The following ENOX1 variants were observed in gnomAD, a reference collection of about 807,000 sequenced individuals.
ENOX1 encodes the protein candidate growth-related and time keeping constitutive hydroquinone (NADH) oxidase.
Under a neutral mutation model 82.5 loss-of-function variants are expected in ENOX1, and 42 were observed. That is an observed-to-expected ratio of 0.51 (90% CI 0.40 to 0.66). The LOEUF (loss-of-function observed/expected upper bound fraction) is 0.66. Among genes scored for constraint, ENOX1 ranks in the 30% least tolerant of loss-of-function variants. The pLI is 0.00. For synonymous variants in ENOX1, 271 were observed against 282.2 expected, an observed-to-expected ratio of 0.96 and a Z score of 0.40; for missense variants, 608 against 811.6, an observed-to-expected ratio of 0.75 and a Z score of 3.05.
chr13:43,507,138 A>T (rs977112628), intron 2 of ENOX1, among the ~76,000 whole-genome samples: 3 of 151,966 alleles, frequency 2.0e-5, no homozygotes, highest in Non-Finnish European at 4.4e-5. Flanking sequence ...TAATTCTTCC[A>T]GAAAGCTTTT....
At chr13:43,726,205 A>C (rs1247655556) in intron 1 of ENOX1, among the ~76,000 whole-genome samples, 1 of 151,526 alleles carries the variant, frequency 6.6e-6, no homozygotes, top group Non-Finnish European at 1.5e-5. Flanking sequence ...TTTGTTATGA[A>C]ATTTTTCATC....
chr13:43,258,474 G>A (rs1441181994), intron 14 of ENOX1, among the ~76,000 whole-genome samples: 2 of 152,160 alleles, frequency 1.3e-5, no homozygotes, highest in Non-Finnish European at 2.9e-5. Context: ...GGAAACATTG[G>A]CAGGAGAAAA....
chr13:43,743,970 A>T (rs1172410556), intron 1 of ENOX1, among the ~76,000 whole-genome samples: 1 of 151,414 alleles, frequency 6.6e-6, no homozygotes, highest in Non-Finnish European at 1.5e-5. Context: ...TAGCAAACTC[A>T]CTCTCATGAC....
intron 2 of ENOX1, among the ~76,000 whole-genome samples, chr13:43,597,284 G>A (rs909840744): frequency 6.6e-5 from 10 of 152,144 alleles, no homozygotes; most frequent in East Asian, 1.9e-4. Context: ...GGGTGGGGAC[G>A]CAGAGCCAAA....
chr13:43,341,998 AAAG>A (rs1282564871), intron 9 of ENOX1, among the ~76,000 whole-genome samples: 2 of 152,142 alleles, frequency 1.3e-5, no homozygotes, highest in East Asian at 3.9e-4. Context: ...TCAGCTGGAA[AAAG>A]AAGATGTGAT....
chr13:43,539,776 C>CTCTGAATT (rs1218814446), intron 2 of ENOX1, among the ~76,000 whole-genome samples: 1 of 152,142 alleles, frequency 6.6e-6, no homozygotes, highest in Non-Finnish European at 1.5e-5. Flanking sequence ...ATGTCTTACT[C>CTCTGAATT]TCTGAATTTT....
At chr13:43,411,195 T>G (rs1404630518) in intron 5 of ENOX1, among the ~76,000 whole-genome samples, 2 of 152,150 alleles carry the variant, frequency 1.3e-5, no homozygotes, top group Non-Finnish European at 2.9e-5. Context: ...GTGTTTTGTT[T>G]TGTTTTTTTC....
At chr13:43,463,675 C>T (rs2057589518) in intron 3 of ENOX1, among the ~76,000 whole-genome samples, 1 of 152,070 alleles carries the variant, frequency 6.6e-6, no homozygotes, top group Admixed American at 6.5e-5. Flanking sequence ...AATACCCAAC[C>T]CCTCTCAATA....
At chr13:43,397,921 C>A (rs1485754966) in intron 5 of ENOX1, among the ~76,000 whole-genome samples, 1 of 152,196 alleles carries the variant, frequency 6.6e-6, no homozygotes, top group African/African-American at 2.4e-5. Context: ...GACCAAGGCA[C>A]TTGGAAGATG....
At position 43,759,289 on chromosome 13, in the gene ENOX1, G is replaced by C. The variant is rs555650529; in HGVS notation, c.-285+27363C>G. Among the ~76,000 whole-genome samples the C allele has an allele frequency of 4.6e-5, 7 of 151,974 alleles. No homozygotes were observed. In the East Asian group the frequency reaches 1.4e-3, roughly 29 times the overall value. The stretch of plus-strand genomic sequence containing the variant: ...TTTTTTGTATTTTTAGTAGAGACAC[G>C]GTTTCACCATGTTGGCCATGCTGAT... On this transcript the variant is annotated intron_variant, in intron 1 of 16. Transcript: ENST00000690772.
At chr13:43,482,653 G>GAAA (rs59362618) in intron 3 of ENOX1, among the ~76,000 whole-genome samples, 83 of 149,974 alleles carry the variant, frequency 5.5e-4, no homozygotes, top group South Asian at 2.3e-3. Context: ...CACAATAAAT[G>GAAA]AAAAAAAAAA....
chr13:43,488,993 T>C (rs1294406103), intron 2 of ENOX1, among the ~76,000 whole-genome samples: 1 of 152,178 alleles, frequency 6.6e-6, no homozygotes, highest in African/African-American at 2.4e-5. Context: ...ATTTTCAGCT[T>C]GGACATGTGG....
chr13:43,504,893 T>C (rs918214762), intron 2 of ENOX1, among the ~76,000 whole-genome samples: 10 of 151,752 alleles, frequency 6.6e-5, no homozygotes, highest in African/African-American at 2.4e-4. Flanking sequence ...GATGGTTTCA[T>C]GGTTATATAC....
chr13:43,774,656 A>G (rs1237803269), intron 1 of ENOX1, among the ~76,000 whole-genome samples: 1 of 152,042 alleles, frequency 6.6e-6, no homozygotes, highest in Non-Finnish European at 1.5e-5. Flanking sequence ...AGCACTCACC[A>G]CTTCTGATCA....
chr13:43,739,406 G>A lies in ENOX1; in HGVS notation c.-285+47246C>T, dbSNP rs57585339. Among the ~76,000 whole-genome samples, 984 of 151,964 alleles carry A rather than the reference G, an allele frequency of 6.5e-3. 9 individuals carry two copies. Among genetic ancestry groups the A allele is most frequent in the African/African-American group, 0.022 (924 of 41,430 alleles). ...CTACTAAAAACGCAAAGAACTAGCC[G>A]GGCATGGTGGCATGCGCCTGTAGTC... On this transcript the variant is annotated intron_variant, in intron 1 of 16. Coordinates refer to ENST00000690772, the MANE Select transcript of ENOX1 (RefSeq NM_001347969.2).
At chr13:43,725,853 G>T (rs2088911041) in intron 1 of ENOX1, among the ~76,000 whole-genome samples, 1 of 151,550 alleles carries the variant, frequency 6.6e-6, no homozygotes, top group Admixed American at 6.6e-5. Context: ...TGTGGTCCCA[G>T]CTACTCAGGA....
intron 2 of ENOX1, among the ~76,000 whole-genome samples, chr13:43,520,682 T>C (rs952390327): frequency 2.0e-5 from 3 of 152,136 alleles, no homozygotes; most frequent in African/African-American, 7.2e-5. Context: ...CAGGTAGAGA[T>C]GGCATGTGAG....
At chr13:43,641,963 T>C (rs1028856167) in intron 2 of ENOX1, among the ~76,000 whole-genome samples, 6 of 152,210 alleles carry the variant, frequency 3.9e-5, no homozygotes, top group African/African-American at 1.4e-4. Flanking sequence ...ATAATAGTCA[T>C]GTTAACATTT....
intron 2 of ENOX1, among the ~76,000 whole-genome samples, chr13:43,579,428 A>G (rs1390669461): frequency 1.3e-5 from 2 of 152,206 alleles, no homozygotes; most frequent in Non-Finnish European, 2.9e-5. Flanking sequence ...CCCATTGTGA[A>G]CTGAAGCTGA....
Sources: gnomAD v4.1 joint callset for allele counts (sites outside exome capture counted in the v4.1 genomes callset) on GRCh38, gnomAD v4.1.1 for gene constraint, MANE v1.5 for transcripts, NCBI Gene and HGNC (gene_info 2026-07-23, HGNC 2026-07-21) for gene names.